The following AGL variants were observed in gnomAD, a reference collection of about 807,000 sequenced individuals.
AGL encodes the protein amylo-alpha-1,6-glucosidase and 4-alpha-glucanotransferase.
AGL carries 128 observed loss-of-function variants against 199.3 expected under a neutral mutation model. The observed-to-expected ratio is 0.64, with a 90% CI of 0.56 to 0.74. The LOEUF is 0.74. Among genes scored for constraint, AGL ranks in the 30% least tolerant of loss-of-function variants. AGL has a pLI of 0.00. For missense variants in AGL, 1,809 were observed against 1,820.8 expected, an observed-to-expected ratio of 0.99 and a Z score of 0.12; for synonymous variants, 584 against 594.7, an observed-to-expected ratio of 0.98 and a Z score of 0.26.
intron 26 of AGL, among the ~76,000 whole-genome samples, chr1:99,902,002 A>G (rs1313291380): frequency 1.3e-5 from 2 of 152,034 alleles, no homozygotes; most frequent in African/African-American, 4.8e-5. Context: ...TCACAGCATT[A>G]TAATTTTTAT....
intron 25 of AGL, among the ~76,000 whole-genome samples, chr1:99,900,185 C>T (rs1160690123): frequency 6.6e-6 from 1 of 152,168 alleles, no homozygotes; most frequent in African/African-American, 2.4e-5. Flanking sequence ...CCGCCTCGGC[C>T]TCCCAAAATG....
chr1:99,912,598 A>G, intron 29 of AGL, 81 bp downstream of exon 29: 2 of 999,934 alleles, frequency 2.0e-6, no homozygotes, highest in Non-Finnish European at 3.1e-6. Flanking sequence ...ATTTGATTCT[A>G]TCAGCTAATA....
At chr1:99,892,939 C>A (rs1291405270) in intron 24 of AGL, among the ~76,000 whole-genome samples, 1 of 151,584 alleles carries the variant, frequency 6.6e-6, no homozygotes, top group Non-Finnish European at 1.5e-5. Context: ...AAAAATAAAC[C>A]CAATCTTGTA....
Position 99,900,554 on chromosome 1 carries a change from A to G in AGL, c.3363-82A>G, listed in dbSNP as rs1396752851. ...AAGAGAGAAAACGCATTCAAAATAT[A>G]GTCACCAAAAGTGACTGGTTTTTGT... On this transcript the variant is annotated intron_variant, in intron 25 of 33. Coordinates refer to ENST00000361915, the MANE Select transcript of AGL (RefSeq NM_000642.3). The G allele has an allele frequency of 3.9e-6, 5 of 1,267,174 alleles. No homozygotes were observed. In the East Asian group the frequency reaches 1.2e-4, roughly 29 times the overall value. The allele number at this position is 1,267,174 out of a possible 1,614,324, so 78.5% of individuals were successfully genotyped here. A position where few individuals can be genotyped will look rare whatever the true frequency, so the allele number is the denominator to read the frequency against.
chr1:99,888,580 T>A (rs1380837121), intron 21 of AGL, among the ~76,000 whole-genome samples: 1 of 152,214 alleles, frequency 6.6e-6, no homozygotes. Context: ...TTTTTAAATC[T>A]AATTGGAAAT....
intron 21 of AGL, among the ~76,000 whole-genome samples, chr1:99,888,619 G>T (rs995412742): frequency 1.3e-5 from 2 of 151,922 alleles, no homozygotes; most frequent in African/African-American, 4.8e-5. Context: ...GTTTTATCCT[G>T]TAAAGAGAAC....
chr1:99,859,408 T>TC (rs2101078804), intron 2 of AGL, among the ~76,000 whole-genome samples: 1 of 61,212 alleles, frequency 1.6e-5, no homozygotes, highest in Non-Finnish European at 2.9e-5. Flanking sequence ...CCTGCCTTTT[T>TC]CCCGTTTGTA....
Position 99,884,411 on chromosome 1 carries a change from G to C in AGL, c.2506G>C (p.Glu836Gln). 6.2e-7 allele frequency: 1 copy of C among 1,612,798 alleles called. No homozygotes were observed. Among genetic ancestry groups the C allele is most frequent in the Non-Finnish European group, 8.5e-7 (1 of 1,179,564 alleles). Residue 836 changes from glutamate to glutamine, a missense_variant, in exon 19 of 34, where the codon GAA becomes CAA. Glu to Gln is a conservative substitution (Grantham distance 29). Coordinates refer to ENST00000361915, the MANE Select transcript of AGL (RefSeq NM_000642.3). ...GCCCAATGAATATATTCAAGAAATAGAATTTGAAAACTTGTCTCCAGGAAG... is the reference window on the plus strand; with the variant it reads ...GCCCAATGAATATATTCAAGAAATACAATTTGAAAACTTGTCTCCAGGAAG... ...KGPNEYIQEI[E>Q]FENLSPGSVI...
At chr1:99,857,405 G>A (rs1177336583) in intron 2 of AGL, among the ~76,000 whole-genome samples, 1 of 152,106 alleles carries the variant, frequency 6.6e-6, no homozygotes, top group African/African-American at 2.4e-5. Context: ...CTTCCCAGAC[G>A]GGGTGGCGGC....
chr1:99,854,842 C>A (rs1649284802), intron 2 of AGL, among the ~76,000 whole-genome samples: 2 of 151,488 alleles, frequency 1.3e-5, no homozygotes, highest in African/African-American at 4.9e-5. Flanking sequence ...AGACAAGAAG[C>A]ATTGAGAAGG....
intron 30 of AGL, 91 bp from the exon 31 acceptor site, chr1:99,915,298 T>A (rs1655030205): frequency 9.1e-7 from 1 of 1,100,934 alleles, no homozygotes; most frequent in Admixed American, 1.8e-5. Context: ...TTTTAAGTAA[T>A]TTTTTTCAAG....
In AGL at chr1:99,861,597, A is replaced by G. The variant is rs2101084841; in HGVS notation, c.177A>G (p.Arg59=). The change falls in exon 3 of 34, where the codon AGA becomes AGG. Residue 59 remains arginine (R), a synonymous_variant. Transcript: ENST00000361915. The stretch of plus-strand genomic sequence containing the variant: ...CATTTCCTGGAGAAACATTTAATAG[A>G]GAAAAATTCCGTTCTCTGGATTGGG... ...NYPFPGETFN[R]EKFRSLDWEN... is the part of the protein sequence containing the mutation. 4 of 1,614,038 alleles carry G rather than the reference A, an allele frequency of 2.5e-6. No individual in the cohort carries two copies. Among genetic ancestry groups the G allele is most frequent in the Non-Finnish European group, 2.5e-6 (3 of 1,179,944 alleles).
At chr1:99,880,539 T>G in intron 13 of AGL, 93 bp from the exon 14 acceptor site, 1 of 1,357,836 alleles carries the variant, frequency 7.4e-7, no homozygotes. Context: ...ATTGATGTGG[T>G]CTTTATTTTG....
At position 99,913,700 on chromosome 1, in the gene AGL, T is replaced by C; in HGVS notation, c.4123T>C (p.Tyr1375His). ...TGGAGCTTCAAGTCCTTGGTGTGAC[T>C]ATCAGCTCAGGCCTAATTTTACCAT... ...SYGASSPWCD[Y>H]QLRPNFTIAM... Residue 1375 changes from tyrosine to histidine, a missense_variant, in exon 30 of 34, where the codon TAT becomes CAT. Tyr to His is a moderately conservative substitution (Grantham distance 83). Transcript: ENST00000361915. The C allele has an allele frequency of 1.2e-6, 2 of 1,614,152 alleles. No homozygotes were observed. The highest frequency in any genetic ancestry group is 8.5e-7 in the Non-Finnish European group (1 of 1,180,002).
chr1:99,886,735 C>G (rs538573808), intron 20 of AGL, among the ~76,000 whole-genome samples: 24 of 152,144 alleles, frequency 1.6e-4, no homozygotes, highest in Non-Finnish European at 3.1e-4. Context: ...TGTATTACCC[C>G]ATTTTGCTAT....
intron 12 of AGL, among the ~76,000 whole-genome samples, chr1:99,878,350 AAATT>A (rs531932793): frequency 3.0e-4 from 46 of 152,142 alleles, no homozygotes; most frequent in African/African-American, 1.0e-3. Flanking sequence ...TCTAAAAAAT[AAATT>A]AATTAATTAA....
chr1:99,894,580 G>A (rs1389425074), intron 24 of AGL, among the ~76,000 whole-genome samples: 1 of 152,076 alleles, frequency 6.6e-6, no homozygotes, highest in African/African-American at 2.4e-5. Context: ...AGTGTATTTG[G>A]GGAAATTTTG....
chr1:99,916,652 T>C lies in AGL; in HGVS notation c.4402T>C (p.Leu1468=). The C allele has an allele frequency of 6.2e-7, 1 of 1,613,278 alleles. No homozygotes were observed. Among genetic ancestry groups the C allele is most frequent in the Non-Finnish European group, 8.5e-7 (1 of 1,179,502 alleles). ...TCGTGCAAAATTATATTTTTCCAGATTGATGGGCCCGGAGACTACTGCAAA... is the reference window on the plus strand; with the variant it reads ...TCGTGCAAAATTATATTTTTCCAGACTGATGGGCCCGGAGACTACTGCAAA... ...FLRAKLYFSR[L]MGPETTAKTI... Residue 1468 remains leucine (L), a synonymous_variant, in exon 33 of 34, where the codon TTG becomes CTG. Coordinates refer to ENST00000361915, the MANE Select transcript of AGL (RefSeq NM_000642.3).
chr1:99,910,615 T>A, intron 27 of AGL, 97 bp from the exon 28 acceptor site: 1 of 587,306 alleles, frequency 1.7e-6, no homozygotes, highest in Non-Finnish European at 2.5e-6. Context: ...GTTGTCCTAG[T>A]TTATTATATT....
Sources: gnomAD v4.1 joint callset for allele counts (sites outside exome capture counted in the v4.1 genomes callset) on GRCh38, gnomAD v4.1.1 for gene constraint, MANE v1.5 for transcripts, NCBI Gene and HGNC (gene_info 2026-07-23, HGNC 2026-07-21) for gene names.